Variants in RALYL observed in about 807,000 individuals in gnomAD.
RALYL encodes the protein RNA-binding Raly-like protein.
In RALYL, 29 loss-of-function variants were observed where a neutral mutation model predicts 35.1. That is an observed-to-expected ratio of 0.83 (90% CI 0.61 to 1.13). The LOEUF is 1.13. Ranked by LOEUF, RALYL falls within the 50% of genes most tolerant of loss-of-function variation. RALYL has a pLI of 0.00. For missense variants in RALYL, 359 were observed against 360.4 expected, an observed-to-expected ratio of 1.00 and a Z score of 0.03; for synonymous variants, 120 against 127.6, an observed-to-expected ratio of 0.94 and a Z score of 0.40.
intron 3 of RALYL, among the ~76,000 whole-genome samples, chr8:84,785,105 G>A (rs950284162): frequency 6.6e-6 from 1 of 152,152 alleles, no homozygotes; most frequent in African/African-American, 2.4e-5. Context: ...CATAGTTTAT[G>A]TAGAGTTTGG....
chr8:84,809,932 G>C (rs1300442133), intron 4 of RALYL, among the ~76,000 whole-genome samples: 3 of 152,006 alleles, frequency 2.0e-5, no homozygotes, highest in Non-Finnish European at 4.4e-5. Context: ...CAAAGAACCA[G>C]CTTTTTGTTT....
chr8:84,197,957 C>T (rs1815796510), intron 1 of RALYL, among the ~76,000 whole-genome samples: 1 of 152,044 alleles, frequency 6.6e-6, no homozygotes, highest in Non-Finnish European at 1.5e-5. Flanking sequence ...CTAGACAGTA[C>T]CTGGCACACA....
chr8:84,681,714 G>A (rs535609091), intron 2 of RALYL, among the ~76,000 whole-genome samples: 1 of 152,314 alleles, frequency 6.6e-6, no homozygotes, highest in East Asian at 1.9e-4. Context: ...TGCCGCAGTT[G>A]CTTATCAGCT....
intron 2 of RALYL, among the ~76,000 whole-genome samples, chr8:84,734,154 T>A (rs1846778063): frequency 6.6e-6 from 1 of 152,208 alleles, no homozygotes; most frequent in Non-Finnish European, 1.5e-5. Flanking sequence ...CAGCCACATT[T>A]ATCTCTGTTT....
At chr8:84,555,749 A>G (rs1344325273) in intron 2 of RALYL, among the ~76,000 whole-genome samples, 1 of 152,200 alleles carries the variant, frequency 6.6e-6, no homozygotes, top group Non-Finnish European at 1.5e-5. Flanking sequence ...CACAGAGATA[A>G]TCTCCCAAGT....
intron 1 of RALYL, among the ~76,000 whole-genome samples, chr8:84,432,903 G>A (rs2047295819): frequency 6.6e-6 from 1 of 152,066 alleles, no homozygotes; most frequent in Non-Finnish European, 1.5e-5. Context: ...CTATCCTCCA[G>A]AACTGTGAAA....
intron 1 of RALYL, among the ~76,000 whole-genome samples, chr8:84,226,848 G>T (rs1824000612): frequency 6.6e-6 from 1 of 152,066 alleles, no homozygotes; most frequent in East Asian, 1.9e-4. Flanking sequence ...TTCCAGGACA[G>T]GATTTTTGGA....
chr8:84,821,188 TTA>T (rs1368331460), intron 4 of RALYL, among the ~76,000 whole-genome samples: 1 of 152,230 alleles, frequency 6.6e-6, no homozygotes, highest in Non-Finnish European at 1.5e-5. Context: ...TAAACAGCAT[TTA>T]TTTCAGACAG....
At position 84,575,027 on chromosome 8, in the gene RALYL, G is replaced by T. The variant is rs546182057; in HGVS notation, c.256+45450G>T. 3.9e-5 allele frequency among the ~76,000 whole-genome samples: 6 copies of T among 152,184 alleles called. No homozygotes were observed. The South Asian group carries it at 1.0e-3, about 26-fold the overall frequency. ...ATTTTACTTTCATTTCTTCCCCCTT[G>T]ATGATGCAGATAACTTCAACCTCAG... On this transcript the variant is annotated intron_variant, in intron 2 of 8. Coordinates refer to ENST00000521268, the MANE Select transcript of RALYL (RefSeq NM_173848.7).
In RALYL at chr8:84,529,492, T is replaced by C. The variant is rs1243917778; in HGVS notation, c.171T>C (p.Tyr57=). The C allele has an allele frequency of 3.1e-6, 5 of 1,613,800 alleles. No homozygotes were observed. In the South Asian group the frequency reaches 5.5e-5, roughly 18 times the overall value. ...TTGGATGTTCCGTTCACAAAGGTTA[T>C]GCATTTGTACAGTACATGAGTGAGC... ...KIVGCSVHKG[Y]AFVQYMSERH... Residue 57 remains tyrosine, a synonymous_variant, in exon 2 of 9, where the codon TAT becomes TAC. Coordinates refer to ENST00000521268, the MANE Select transcript of RALYL (RefSeq NM_173848.7).
chr8:84,330,985 T>G (rs1846698326), intron 1 of RALYL, among the ~76,000 whole-genome samples: 1 of 152,080 alleles, frequency 6.6e-6, no homozygotes, highest in Non-Finnish European at 1.5e-5. Flanking sequence ...GAGAAATGGA[T>G]AGCATTTGGT....
intron 1 of RALYL, among the ~76,000 whole-genome samples, chr8:84,303,747 A>AT (rs1203565414): frequency 4.6e-5 from 7 of 152,228 alleles, no homozygotes; most frequent in African/African-American, 1.7e-4. Context: ...ATAATGATAT[A>AT]TTTTTTTGTT....
chr8:84,708,265 A>G (rs1841556449), intron 2 of RALYL, among the ~76,000 whole-genome samples: 1 of 152,136 alleles, frequency 6.6e-6, no homozygotes, highest in Admixed American at 6.6e-5. Context: ...AAATTGTACT[A>G]AACCTTTGAA....
intron 1 of RALYL, among the ~76,000 whole-genome samples, chr8:84,248,072 G>A (rs1829466772): frequency 6.6e-6 from 1 of 151,996 alleles, no homozygotes; most frequent in South Asian, 2.1e-4. Context: ...CATAAATAAG[G>A]TACGTACAGC....
chr8:84,642,802 AAGGT>A (rs1343044264), intron 2 of RALYL, among the ~76,000 whole-genome samples: 1 of 138,506 alleles, frequency 7.2e-6, no homozygotes, highest in Non-Finnish European at 1.5e-5. Flanking sequence ...ATGAAAGAGA[AAGGT>A]AGGAGAAGAA....
chr8:84,732,380 A>G (rs2132871120), intron 2 of RALYL, among the ~76,000 whole-genome samples: 3 of 152,150 alleles, frequency 2.0e-5, no homozygotes, highest in Middle Eastern at 3.4e-3. Flanking sequence ...AAGCTCCACA[A>G]GCTTCTCTTT....
chr8:84,414,590 A>G (rs765960724), intron 1 of RALYL, among the ~76,000 whole-genome samples: 1 of 152,162 alleles, frequency 6.6e-6, no homozygotes, highest in Non-Finnish European at 1.5e-5. Context: ...GTGCAAATAT[A>G]TTTAAGATTC....
chr8:84,458,370 A>C (rs909705203), intron 1 of RALYL, among the ~76,000 whole-genome samples: 4 of 151,880 alleles, frequency 2.6e-5, no homozygotes, highest in Admixed American at 6.6e-5. Flanking sequence ...TCCAACCATG[A>C]CTCAAAATTA....
intron 1 of RALYL, among the ~76,000 whole-genome samples, chr8:84,224,522 CAG>C (rs1408781775): frequency 2.0e-5 from 3 of 151,982 alleles, no homozygotes; most frequent in Non-Finnish European, 4.4e-5. Flanking sequence ...ACAGAGAACA[CAG>C]AGAATTTTTC....
Sources: gnomAD v4.1 joint callset for allele counts (sites outside exome capture counted in the v4.1 genomes callset) on GRCh38, gnomAD v4.1.1 for gene constraint, MANE v1.5 for transcripts, NCBI Gene and HGNC (gene_info 2026-07-23, HGNC 2026-07-21) for gene names.